SEMA3E: variants seen among roughly 807,000 people sequenced by gnomAD.
SEMA3E encodes semaphorin 3E.
A neutral mutation model predicts 93.6 loss-of-function variants in SEMA3E; 49 were observed. That is an observed-to-expected ratio of 0.52 (90% CI 0.42 to 0.66). The LOEUF is 0.66. Among genes scored for constraint, SEMA3E ranks in the 30% least tolerant of loss-of-function variants. SEMA3E has a pLI of 0.00. For synonymous variants in SEMA3E, 363 were observed against 330.7 expected (o/e 1.10, Z -1.06); for missense variants, 906 against 964.8 (o/e 0.94, Z 0.81).
intron 4 of SEMA3E, among the ~76,000 whole-genome samples, chr7:83,456,587 G>A (rs55812378): frequency 0.052 from 6,537 of 126,230 alleles, 204 homozygotes; most frequent in African/African-American, 0.1. Flanking sequence ...TTTCTTTAAC[G>A]ACTCTATTTT....
At chr7:83,520,834 A>T (rs1791029231) in intron 1 of SEMA3E, among the ~76,000 whole-genome samples, 1 of 152,162 alleles carries the variant, frequency 6.6e-6, no homozygotes, top group African/African-American at 2.4e-5. Flanking sequence ...TTTTTTTTGT[A>T]ACTGGTCAGT....
At chr7:83,401,827 T>G (rs897335723) in intron 10 of SEMA3E, among the ~76,000 whole-genome samples, 4 of 152,172 alleles carry the variant, frequency 2.6e-5, no homozygotes, top group African/African-American at 9.6e-5. Context: ...TTGACTTGTG[T>G]GACAAGTTAA....
intron 1 of SEMA3E, among the ~76,000 whole-genome samples, chr7:83,577,109 C>G (rs2115890884): frequency 6.6e-6 from 1 of 152,092 alleles, no homozygotes; most frequent in South Asian, 2.1e-4. Context: ...TTCAAAACAC[C>G]AGAGTTAGAT....
In SEMA3E at chr7:83,390,246, T is replaced by C. The variant is rs201411628; in HGVS notation, c.1667+2309A>G. ...ATATGCGCGTATATATGCGCGTATA[T>C]ATGCGCGTATATATGCGCGTATATA... On this transcript the variant is annotated intron_variant, in intron 14 of 16. Transcript: ENST00000643230. 0.014 allele frequency among the ~76,000 whole-genome samples: 9 copies of C among 636 alleles called. 3 individuals are homozygous for C. In the Admixed American group the frequency reaches 0.17, roughly 12 times the overall value. 0.4% of individuals were successfully genotyped at this position (636 alleles called of 152,430 possible).
chr7:83,537,992 A>G (rs1791440008), intron 1 of SEMA3E, among the ~76,000 whole-genome samples: 1 of 152,032 alleles, frequency 6.6e-6, no homozygotes, highest in South Asian at 2.1e-4. Context: ...AACTTTTATA[A>G]CTTGTTTTTT....
chr7:83,610,361 C>T (rs1049387133), intron 1 of SEMA3E, among the ~76,000 whole-genome samples: 2 of 151,932 alleles, frequency 1.3e-5, no homozygotes, highest in African/African-American at 4.8e-5. Context: ...TTCTGGACTA[C>T]TTAGAATACA....
chr7:83,552,137 G>T (rs1791779704), intron 1 of SEMA3E, among the ~76,000 whole-genome samples: 1 of 152,098 alleles, frequency 6.6e-6, no homozygotes, highest in African/African-American at 2.4e-5. Flanking sequence ...ATCAGGAATA[G>T]CTTCTGTCTC....
rs113523763 is a variant in SEMA3E at position 83,639,141 on chromosome 7, C to G, written c.115+9287G>C. On this transcript the variant is annotated intron_variant, in intron 1 of 16. Coordinates refer to ENST00000643230, the MANE Select transcript of SEMA3E (RefSeq NM_012431.3). ...AAAAAAAAAAAAAAAAAAAAAAAAA[C>G]AGAGATTCCTGAGCCTCAGAATTAT... Among the ~76,000 whole-genome samples, 14 of 63,096 alleles carry G rather than the reference C, an allele frequency of 2.2e-4. 1 individual carries two copies. Among genetic ancestry groups the G allele is most frequent in the Admixed American group, 1.2e-3 (6 of 4,820 alleles). 41.4% of individuals were successfully genotyped at this position (63,096 alleles called of 152,430 possible).
At chr7:83,407,577 A>G (rs929673382) in intron 6 of SEMA3E, among the ~76,000 whole-genome samples, 1 of 152,150 alleles carries the variant, frequency 6.6e-6, no homozygotes, top group Non-Finnish European at 1.5e-5. Flanking sequence ...ACAAATCTCT[A>G]CAAATTTCCT....
chr7:83,545,552 G>GAAAAAAAAAAAAAAA (rs3068645), intron 1 of SEMA3E, among the ~76,000 whole-genome samples: 13 of 86,336 alleles, frequency 1.5e-4, no homozygotes, highest in African/African-American at 3.5e-4. Flanking sequence ...GAAGAGAAAT[G>GAAAAAAAAAAAAAAA]AAAAAAAAAA....
At chr7:83,414,189 T>G (rs1232540626) in intron 5 of SEMA3E, among the ~76,000 whole-genome samples, 1 of 145,664 alleles carries the variant, frequency 6.9e-6, no homozygotes. Context: ...AGGCAACACA[T>G]TTGCTTATTA....
At chr7:83,591,392 G>A (rs773696163) in intron 1 of SEMA3E, among the ~76,000 whole-genome samples, 17 of 151,312 alleles carry the variant, frequency 1.1e-4, no homozygotes, top group African/African-American at 2.7e-4. Context: ...TTTTTCCAGC[G>A]TTCCAACTCC....
intron 1 of SEMA3E, among the ~76,000 whole-genome samples, chr7:83,601,667 T>C (rs936747148): frequency 2.0e-5 from 3 of 152,126 alleles, no homozygotes; most frequent in African/African-American, 7.2e-5. Flanking sequence ...AGTGACTACC[T>C]TTCTCTCGTC....
intron 7 of SEMA3E, 98 bp downstream of exon 7, chr7:83,406,999 A>G: frequency 7.1e-7 from 1 of 1,408,276 alleles, no homozygotes; most frequent in East Asian, 2.3e-5. Flanking sequence ...TCTAAAGAAT[A>G]CTAGAAAATA....
chr7:83,426,762 A>G (rs983154540), intron 4 of SEMA3E, among the ~76,000 whole-genome samples: 2 of 152,194 alleles, frequency 1.3e-5, no homozygotes, highest in Non-Finnish European at 2.9e-5. Flanking sequence ...GCTACGTTGT[A>G]CATGCTTCCT....
chr7:83,456,058 T>C (rs1474298397), intron 4 of SEMA3E, among the ~76,000 whole-genome samples: 4 of 152,200 alleles, frequency 2.6e-5, no homozygotes, highest in East Asian at 3.8e-4. Flanking sequence ...AGCTACATTT[T>C]TGGTAATTTG....
intron 1 of SEMA3E, among the ~76,000 whole-genome samples, chr7:83,603,846 G>C (rs577654935): frequency 6.6e-6 from 1 of 152,122 alleles, no homozygotes; most frequent in East Asian, 1.9e-4. Context: ...TGTAACAAGT[G>C]CTTATACAAG....
At chr7:83,393,174 CT>C (rs1788051689) in intron 13 of SEMA3E, among the ~76,000 whole-genome samples, 1 of 151,858 alleles carries the variant, frequency 6.6e-6, no homozygotes, top group South Asian at 2.1e-4. Context: ...TTGACAAGAA[CT>C]CAAGAAGCTG....
At chr7:83,449,088 T>TTTTATTTATTTATTTA (rs56254736) in intron 4 of SEMA3E, among the ~76,000 whole-genome samples, 1 of 147,668 alleles carries the variant, frequency 6.8e-6, no homozygotes, top group Middle Eastern at 3.2e-3. Context: ...ATTTTTTAAA[T>TTTTATTTATTTATTTA]TTTATTTATT....
Sources: allele counts gnomAD v4.1 joint callset (sites outside exome capture counted in the v4.1 genomes callset), GRCh38; gene constraint gnomAD v4.1.1; transcripts MANE v1.5; gene names NCBI Gene and HGNC (gene_info 2026-07-23, HGNC 2026-07-21).